Variants in SLC9A8 observed in about 807,000 individuals in gnomAD.
SLC9A8 encodes sodium/hydrogen exchanger 8.
A neutral mutation model predicts 66.6 loss-of-function variants in SLC9A8; 48 were observed. The ratio of observed to expected loss-of-function variants is 0.72; its 90% CI spans 0.57 to 0.92. The LOEUF (loss-of-function observed/expected upper bound fraction) is 0.92. Among genes scored for constraint, SLC9A8 ranks in the 40% least tolerant of loss-of-function variants. SLC9A8 has a pLI of 0.00. For synonymous variants in SLC9A8, 274 were observed against 282.6 expected (o/e 0.97, Z 0.31); for missense variants, 599 against 747.3 (o/e 0.80, Z 2.31).
chr20:49,834,139 G>GTCTCTCTCTCTCTCTCTC (rs71335517), intron 3 of SLC9A8, among the ~76,000 whole-genome samples: 6 of 65,398 alleles, frequency 9.2e-5, no homozygotes, highest in Admixed American at 4.1e-4. Flanking sequence ...ATATTAGCTT[G>GTCTCTCTCTCTCTCTCTC]TCTCTCTCTC....
intron 3 of SLC9A8, among the ~76,000 whole-genome samples, chr20:49,837,141 C>CT (rs952323182): frequency 9.2e-5 from 14 of 152,182 alleles, no homozygotes; most frequent in African/African-American, 3.4e-4. Flanking sequence ...AAGAATGAAA[C>CT]TGTTTGTCTC....
intron 3 of SLC9A8, chr20:49,829,736 C>T: frequency 3.9e-6 from 2 of 513,128 alleles, no homozygotes; most frequent in Admixed American, 4.5e-5. Flanking sequence ...CAGACGTCAT[C>T]CCACAATTCT....
At chr20:49,855,679 G>T in intron 8 of SLC9A8, 98 bp downstream of exon 8, 1 of 1,182,220 alleles carries the variant, frequency 8.5e-7, no homozygotes, top group Middle Eastern at 2.6e-4. Flanking sequence ...GTGTACAGTT[G>T]CTTGTCCTCT....
chr20:49,859,821 A>G (rs1421148361), intron 8 of SLC9A8, among the ~76,000 whole-genome samples: 2 of 152,186 alleles, frequency 1.3e-5, no homozygotes, highest in Admixed American at 6.5e-5. Context: ...AAGCTCATGA[A>G]ATGGACCCTG....
At chr20:49,875,275 A>T (rs1346048458) in intron 11 of SLC9A8, among the ~76,000 whole-genome samples, 2 of 124,028 alleles carry the variant, frequency 1.6e-5, no homozygotes, top group East Asian at 5.4e-4. Context: ...CTATGATCTT[A>T]AAAAAAAAAA....
At chr20:49,828,889 CATT>C (rs1254775685) in intron 3 of SLC9A8, among the ~76,000 whole-genome samples, 4 of 149,950 alleles carry the variant, frequency 2.7e-5, no homozygotes, top group Non-Finnish European at 5.9e-5. Flanking sequence ...ATATTTTACA[CATT>C]AGCACAGTGC....
intron 3 of SLC9A8, chr20:49,830,015 G>A (rs1051102705): frequency 3.1e-5 from 20 of 642,570 alleles, no homozygotes; most frequent in South Asian, 1.9e-4. Context: ...GATGATGGCC[G>A]GACCAGTGGC....
chr20:49,856,451 T>G (rs775633469), intron 8 of SLC9A8, among the ~76,000 whole-genome samples: 37 of 152,210 alleles, frequency 2.4e-4, no homozygotes, highest in Admixed American at 2.0e-3. Context: ...CACTACAATT[T>G]GTTTTCAAAT....
chr20:49,835,679 CTTTTTT>C (rs34461954), intron 3 of SLC9A8, among the ~76,000 whole-genome samples: 1 of 71,960 alleles, frequency 1.4e-5, no homozygotes, highest in Non-Finnish European at 2.4e-5. Flanking sequence ...ACACAATTCA[CTTTTTT>C]TTTTTTTTTT....
chr20:49,873,771 CAAAAAAAAAAAA>C (rs35613935), intron 10 of SLC9A8, among the ~76,000 whole-genome samples: 1 of 60,228 alleles, frequency 1.7e-5, no homozygotes. Context: ...AACTCCGTCT[CAAAAAAAAAAAA>C]AAAAAAAAAA....
At chr20:49,884,317 CACACACACACACACACACA>C in intron 14 of SLC9A8, among the ~76,000 whole-genome samples, 1 of 144,682 alleles carries the variant, frequency 6.9e-6, no homozygotes, top group Admixed American at 6.9e-5. Context: ...CACACACACA[CACACACACACACACACACA>C]CCCCCCGGTC....
At chr20:49,845,861 G>A (rs553331571) in intron 5 of SLC9A8, among the ~76,000 whole-genome samples, 28 of 151,668 alleles carry the variant, frequency 1.8e-4, no homozygotes, top group African/African-American at 5.8e-4. Flanking sequence ...TTGAGATGGA[G>A]TCTCACTCTG....
chr20:49,846,254 T>A (rs990561836), intron 5 of SLC9A8, among the ~76,000 whole-genome samples: 1 of 152,160 alleles, frequency 6.6e-6, no homozygotes, highest in Non-Finnish European at 1.5e-5. Context: ...TATTTAAGTT[T>A]TAAAATAAAG....
At chr20:49,849,032 A>G (rs955940801) in intron 5 of SLC9A8, among the ~76,000 whole-genome samples, 1 of 152,214 alleles carries the variant, frequency 6.6e-6, no homozygotes, top group African/African-American at 2.4e-5. Flanking sequence ...CTGTGCACTG[A>G]GAGCACAGAC....
chr20:49,843,537 A>T (rs2087853608), intron 4 of SLC9A8, among the ~76,000 whole-genome samples: 1 of 152,218 alleles, frequency 6.6e-6, no homozygotes, highest in Non-Finnish European at 1.5e-5. Flanking sequence ...GAAAATATTC[A>T]TATGAAAAAG....
chr20:49,847,913 T>TTG lies in SLC9A8; in HGVS notation c.433-1665_433-1664insGT, dbSNP rs1169262655. 4.1e-5 allele frequency among the ~76,000 whole-genome samples: 6 copies of TTG among 147,996 alleles called. No homozygotes were observed. In the East Asian group the frequency reaches 5.9e-4, roughly 15 times the overall value. Reference sequence around the variant, plus strand: ...GGTCAAAACTGATTAATCTGTTTTTTTTTTTTTTTTTTTGAGATGGAGTTT... The same window carrying TTG: ...GGTCAAAACTGATTAATCTGTTTTTTTGTTTTTTTTTTTTTGAGATGGAGTTT... On this transcript the variant is annotated intron_variant, in intron 5 of 15. Transcript: ENST00000361573.
Position 49,849,651 on chromosome 20 carries a change from G to C in SLC9A8, c.505G>C (p.Val169Leu). 1 of 1,613,208 alleles carries C rather than the reference G, an allele frequency of 6.2e-7. No homozygotes were observed. Among genetic ancestry groups the C allele is most frequent in the Non-Finnish European group, 8.5e-7 (1 of 1,179,146 alleles). ...VFGTAISAFV[V>L]GGGIYFLGQA... Reference sequence around the variant, plus strand: ...TGGGACGGCAATCTCCGCTTTTGTAGTAGGTGGAGGAATTTATTTTCTGGG... The same window carrying C: ...TGGGACGGCAATCTCCGCTTTTGTACTAGGTGGAGGAATTTATTTTCTGGG... Residue 169 changes from valine to leucine, a missense_variant, in exon 6 of 16, where the codon GTA (valine) becomes CTA (leucine). Physicochemically the swap from Val to Leu is conservative, Grantham distance 32. Transcript: ENST00000361573.
At chr20:49,835,679 CTTTTTTT>C (rs34461954) in intron 3 of SLC9A8, among the ~76,000 whole-genome samples, 21 of 71,974 alleles carry the variant, frequency 2.9e-4, no homozygotes, top group African/African-American at 7.9e-4. Context: ...ACACAATTCA[CTTTTTTT>C]TTTTTTTTTT....
rs79005488 is a variant in SLC9A8, at chr20:49,826,499, A to G, written c.289+3358A>G. Among the ~76,000 whole-genome samples, 1,074 of 152,302 alleles carry G rather than the reference A, an allele frequency of 7.1e-3. 9 individuals are homozygous for G. Among genetic ancestry groups the G allele is most frequent in the African/African-American group, 0.021 (890 of 41,568 alleles). The stretch of plus-strand genomic sequence containing the variant: ...ATTACTGGTCTTTTGCTTTATAGTT[A>G]GGTGTTCAGCATTCCTAAGAAATTC... On this transcript the variant is annotated intron_variant, in intron 3 of 15. Transcript: ENST00000361573.
Sources: gnomAD v4.1 joint callset for allele counts (sites outside exome capture counted in the v4.1 genomes callset) on GRCh38, gnomAD v4.1.1 for gene constraint, MANE v1.5 for transcripts, NCBI Gene and HGNC (gene_info 2026-07-23, HGNC 2026-07-21) for gene names.